Variants in TMPRSS7 observed in about 807,000 individuals in gnomAD.
TMPRSS7 encodes transmembrane serine protease 7.
Under a neutral mutation model 95.6 loss-of-function variants are expected in TMPRSS7, and 81 were observed. The ratio of observed to expected loss-of-function variants is 0.85; its 90% CI spans 0.71 to 1.02. The LOEUF is 1.02. Among genes scored for constraint, TMPRSS7 ranks in the 50% least tolerant of loss-of-function variants. The pLI, the probability that TMPRSS7 is intolerant of heterozygous loss-of-function variation, is 0.00. For synonymous variants in TMPRSS7, 364 were observed against 337.8 expected (o/e 1.08, Z -0.85); for missense variants, 945 against 955.2 (o/e 0.99, Z 0.14).
rs73856331 is a variant in TMPRSS7, at chr3:112,066,350, G to A, written c.1556-42G>A. On this transcript the variant is annotated intron_variant, in intron 12 of 17. Transcript: ENST00000452346. ...CTGATCATCAGAGAACCCAGCTGGT[G>A]TCTCAGGCTCGTGAACTTTCTGTTT... 15,201 of 1,568,996 alleles carry A rather than the reference G, an allele frequency of 9.7e-3. 516 individuals carry two copies. Among genetic ancestry groups the A allele is most frequent in the African/African-American group, 0.089 (6,615 of 74,018 alleles).
At chr3:112,054,068 T>G (rs960497823) in intron 9 of TMPRSS7, among the ~76,000 whole-genome samples, 1 of 152,204 alleles carries the variant, frequency 6.6e-6, no homozygotes, top group East Asian at 1.9e-4. Flanking sequence ...ATGCACAAGA[T>G]TCCCCAGAAG....
intron 7 of TMPRSS7, 148 bp downstream of exon 7, chr3:112,048,115 C>G: frequency 1.5e-6 from 1 of 664,512 alleles, no homozygotes; most frequent in Non-Finnish European, 2.6e-6. Flanking sequence ...TATTTAGTAT[C>G]CCCTATACTT....
chr3:112,080,945 G>C (rs1402470858), exon 18 of TMPRSS7: 2 of 1,613,692 alleles, frequency 1.2e-6, no homozygotes, highest in African/African-American at 2.7e-5. Context: ...TCTTGTCGAA[G>C]AAAAAGTGAT....
Position 112,080,548 on chromosome 3 carries a change from CACCACTACTACTACTACTACTATT to C in TMPRSS7, c.2362-360_2362-337del, listed in dbSNP as rs1350965502. Among the ~76,000 whole-genome samples, 538 of 96,004 alleles carry C rather than the reference CACCACTACTACTACTACTACTATT, an allele frequency of 5.6e-3. 1 individual carries two copies. Among genetic ancestry groups the C allele is most frequent in the South Asian group, 0.03 (83 of 2,772 alleles). 63.0% of individuals were successfully genotyped at this position (96,004 alleles called of 152,430 possible). ...CCCTCACTACTACTACTACTACTAC[CACCACTACTACTACTACTACTATT>C]ACCACCACCACCACCACCATCACCA... On this transcript the variant is annotated intron_variant, in intron 17 of 17. Transcript: ENST00000452346.
At chr3:112,057,192 G>A in intron 10 of TMPRSS7, 61 bp downstream of exon 10, 3 of 1,229,032 alleles carry the variant, frequency 2.4e-6, no homozygotes, top group Middle Eastern at 1.9e-4. Context: ...ATAGCTGTGT[G>A]TTCCTTGTCC....
intron 13 of TMPRSS7, among the ~76,000 whole-genome samples, chr3:112,073,497 G>A (rs959874600): frequency 6.6e-6 from 1 of 152,122 alleles, no homozygotes; most frequent in African/African-American, 2.4e-5. Context: ...CAGTGATGAT[G>A]AGCATTTTTT....
chr3:112,046,068 G>A lies in TMPRSS7; in HGVS notation c.691+125G>A, dbSNP rs565473222. On this transcript the variant is annotated intron_variant, in intron 5 of 17. Transcript: ENST00000452346. ...ATTACCCCACAATCCCAGTGGCGCA[G>A]GATTAACTAAAGACATTGGAGCTAT... The A allele has an allele frequency of 4.6e-5, 38 of 832,474 alleles. No individual in the cohort carries two copies. The South Asian group carries it at 7.2e-4, about 16-fold the overall frequency. The allele number at this position is 832,474 out of a possible 1,614,324, so 51.6% of individuals were successfully genotyped here. A position where few individuals can be genotyped will look rare whatever the true frequency, so the allele number is the denominator to read the frequency against.
chr3:112,065,010 A>G (rs1428463018), intron 12 of TMPRSS7, among the ~76,000 whole-genome samples: 2 of 152,192 alleles, frequency 1.3e-5, no homozygotes, highest in Non-Finnish European at 2.9e-5. Flanking sequence ...TGAAAATTAT[A>G]TTAATAAAAA....
intron 12 of TMPRSS7, among the ~76,000 whole-genome samples, chr3:112,064,215 T>C (rs1171990523): frequency 6.6e-6 from 1 of 152,222 alleles, no homozygotes; most frequent in African/African-American, 2.4e-5. Flanking sequence ...GAAATCCTGT[T>C]TGAAGGCACA....
chr3:112,062,089 TATAACA>T (rs2073515996), intron 11 of TMPRSS7, among the ~76,000 whole-genome samples, 166 bp downstream of exon 11: 1 of 151,294 alleles, frequency 6.6e-6, no homozygotes. Context: ...TACAAATAAA[TATAACA>T]AATATATAAG....
At chr3:112,037,990 C>A (rs535628909) in intron 1 of TMPRSS7, 82 bp from the exon 2 acceptor site, 85 of 651,634 alleles carry the variant, frequency 1.3e-4, no homozygotes, top group Middle Eastern at 7.4e-4. Context: ...CCTTTTAGTA[C>A]CAACATCTCC....
intron 9 of TMPRSS7, among the ~76,000 whole-genome samples, chr3:112,051,672 T>TATCATC (rs777658207): frequency 1.3e-5 from 1 of 76,846 alleles, no homozygotes; most frequent in East Asian, 8.4e-4. Context: ...ATCTATCATC[T>TATCATC]ATCTATCTAT....
intron 12 of TMPRSS7, among the ~76,000 whole-genome samples, chr3:112,064,392 A>G (rs1266161596): frequency 2.0e-5 from 3 of 148,800 alleles, no homozygotes; most frequent in Non-Finnish European, 4.4e-5. Flanking sequence ...TTTGTCACTC[A>G]GGTTAGAGTG....
intron 7 of TMPRSS7, among the ~76,000 whole-genome samples, chr3:112,048,570 T>A (rs1007618768): frequency 5.9e-5 from 9 of 152,238 alleles, no homozygotes; most frequent in Non-Finnish European, 1.0e-4. Flanking sequence ...GGTAAACTAA[T>A]AATGAATTAG....
exon 3 of TMPRSS7, chr3:112,042,043 A>G (rs1391995156): frequency 6.4e-6 from 10 of 1,551,466 alleles, no homozygotes; most frequent in Non-Finnish European, 8.7e-6. Context: ...CGGACTGTGC[A>G]GCAAGTGGTG....
rs2073578231 is a variant in TMPRSS7 at position 112,066,503 on chromosome 3, G to A, written c.1666+1G>A. 1 of 1,612,886 alleles carries A rather than the reference G, an allele frequency of 6.2e-7. No homozygotes were observed. Among genetic ancestry groups the A allele is most frequent in the African/African-American group, 1.3e-5 (1 of 74,890 alleles). ...CGGGATGAGCAAAACTGCACTCAAAGTGAGGGAGAGTCCTCTGTGCCCTGC... is the reference window on the plus strand; with the variant it reads ...CGGGATGAGCAAAACTGCACTCAAAATGAGGGAGAGTCCTCTGTGCCCTGC... On this transcript the variant is annotated splice_donor_variant, in intron 13 of 17. Coordinates refer to ENST00000452346, the Ensembl canonical transcript of TMPRSS7. LOFTEE classifies it high-confidence loss of function.
chr3:112,045,241 G>A (rs1030280844), intron 4 of TMPRSS7, among the ~76,000 whole-genome samples: 1 of 152,100 alleles, frequency 6.6e-6, no homozygotes, highest in Admixed American at 6.5e-5. Context: ...TCTGCCTCCC[G>A]GGTTCAAGCA....
intron 4 of TMPRSS7, among the ~76,000 whole-genome samples, chr3:112,044,750 C>T (rs77643587): frequency 0.01 from 1,530 of 151,428 alleles, 26 homozygotes; most frequent in African/African-American, 0.035. Context: ...TTATATCCCA[C>T]CCCCACCCAC....
chr3:112,064,615 G>C (rs1295439706), intron 12 of TMPRSS7, among the ~76,000 whole-genome samples: 1 of 152,108 alleles, frequency 6.6e-6, no homozygotes, highest in African/African-American at 2.4e-5. Flanking sequence ...TGACCACCTT[G>C]GCCTCCCAAA....
Sources: allele counts gnomAD v4.1 joint callset (sites outside exome capture counted in the v4.1 genomes callset), GRCh38; gene constraint gnomAD v4.1.1; transcripts MANE v1.5; gene names NCBI Gene and HGNC (gene_info 2026-07-23, HGNC 2026-07-21).